The following ATXN7 variants were observed in gnomAD, a reference collection of about 807,000 sequenced individuals.
ATXN7 encodes ataxin-7.
Under a neutral mutation model 70.5 loss-of-function variants are expected in ATXN7, and 12 were observed. The observed-to-expected ratio is 0.17, with a 90% CI of 0.11 to 0.28. The LOEUF (loss-of-function observed/expected upper bound fraction) is 0.28. Ranked by LOEUF, ATXN7 falls within the 10% of genes least tolerant of loss-of-function variation. The pLI is 1.00. For synonymous variants in ATXN7, 498 were observed against 448.7 expected (o/e 1.11, Z -1.39); for missense variants, 1,256 against 1,131.7 (o/e 1.11, Z -1.58).
intron 4 of ATXN7, among the ~76,000 whole-genome samples, chr3:63,947,785 G>A (rs2074888141): frequency 6.6e-6 from 1 of 152,156 alleles, no homozygotes; most frequent in African/African-American, 2.4e-5. Flanking sequence ...GAGACCTGAT[G>A]TGTGAGAATA....
chr3:63,940,661 A>G (rs2074743857), intron 4 of ATXN7, among the ~76,000 whole-genome samples: 1 of 152,198 alleles, frequency 6.6e-6, no homozygotes, highest in African/African-American at 2.4e-5. Flanking sequence ...TACATGAATT[A>G]TCTCATTCCG....
intron 4 of ATXN7, among the ~76,000 whole-genome samples, chr3:63,951,287 C>A (rs954993660): frequency 6.6e-6 from 1 of 152,028 alleles, no homozygotes. Context: ...AGATTATCCT[C>A]ACTTGACATC....
intron 2 of ATXN7, among the ~76,000 whole-genome samples, chr3:63,906,940 A>G (rs1703858331): frequency 6.6e-6 from 1 of 152,216 alleles, no homozygotes; most frequent in South Asian, 2.1e-4. Context: ...TATTTATTTT[A>G]TCCGTCAGTG....
In ATXN7 at chr3:63,996,225, T is replaced by A. The variant is rs369936038; in HGVS notation, c.2403T>A (p.Thr801=). The A allele has an allele frequency of 6.2e-7, 1 of 1,614,164 alleles. No individual in the cohort carries two copies. Among genetic ancestry groups the A allele is most frequent in the Non-Finnish European group, 8.5e-7 (1 of 1,180,034 alleles). The change falls in exon 12 of 13, where the codon ACT becomes ACA. Residue 801 remains threonine, a synonymous_variant. Transcript: ENST00000674280. ...MSVMVNSSDS[T]LSLGPFIHQS... ...TGATGGTGAACAGCAGTGATTCTACTCTTTCTCTTGGGCCATTCATTCACC... is the reference window on the plus strand; with the variant it reads ...TGATGGTGAACAGCAGTGATTCTACACTTTCTCTTGGGCCATTCATTCACC...
intron 5 of ATXN7, among the ~76,000 whole-genome samples, chr3:63,966,601 C>T (rs1292421138): frequency 1.3e-5 from 2 of 152,032 alleles, no homozygotes; most frequent in Non-Finnish European, 2.9e-5. Flanking sequence ...TCAGAAAACC[C>T]CCTGGGTCTT....
chr3:63,998,824 T>C, intron 12 of ATXN7: 1 of 431,762 alleles, frequency 2.3e-6, no homozygotes, highest in Non-Finnish European at 3.1e-6. Flanking sequence ...TACTTGCTGT[T>C]CCTTGTGGAG....
intron 4 of ATXN7, among the ~76,000 whole-genome samples, chr3:63,940,422 A>T (rs974598569): frequency 1.3e-5 from 2 of 152,166 alleles, no homozygotes; most frequent in African/African-American, 4.8e-5. Context: ...ATGCCATTTC[A>T]TAATTAATTC....
At chr3:63,998,060 C>CT (rs1236481854) in intron 12 of ATXN7, 2 of 985,292 alleles carry the variant, frequency 2.0e-6, no homozygotes, top group Admixed American at 1.2e-4. Context: ...AACGCACCGT[C>CT]TTTGAGAGAG....
At chr3:63,864,431 G>C (rs1702340167) in intron 1 of ATXN7, 1 of 152,136 alleles carries the variant, frequency 6.6e-6, no homozygotes, top group Non-Finnish European at 1.5e-5. Context: ...ACGCGCGCTG[G>C]GGCGGGTCTC....
Position 63,912,689 on chromosome 3 carries a change from CA to C in ATXN7, c.92del (p.Gln31ArgfsTer59). ...AGCAGCGGCCGCGGCCGCCCGGCAG[CA>C]GCAGCAGCAGCAGCAGCAGCAGCAG... ...GGAAAAAARQQQQQQQQQQPP... is the reference protein window; with the variant it reads ...GGAAAAAARQXQQQQQQQQPP... On this transcript the variant is annotated frameshift_variant, in exon 3 of 13. Transcript: ENST00000674280. LOFTEE classifies it high-confidence loss of function. 9.1e-7 allele frequency: 1 copy of C among 1,102,396 alleles called. No individual in the cohort carries two copies. The highest frequency in any genetic ancestry group is 1.8e-5 in the African/African-American group (1 of 55,258). The allele number at this position is 1,102,396 out of a possible 1,614,324, so 68.3% of individuals were successfully genotyped here.
intron 5 of ATXN7, among the ~76,000 whole-genome samples, chr3:63,968,679 G>A (rs2075265068): frequency 6.6e-6 from 1 of 152,192 alleles, no homozygotes. Flanking sequence ...TGCCAGAAAA[G>A]ATGATTTTTT....
At chr3:63,917,727 T>A (rs1319665602) in intron 4 of ATXN7, among the ~76,000 whole-genome samples, 2 of 152,240 alleles carry the variant, frequency 1.3e-5, no homozygotes, top group Admixed American at 6.5e-5. Flanking sequence ...GATGAAGGCA[T>A]ATTCAGCTCC....
intron 5 of ATXN7, among the ~76,000 whole-genome samples, chr3:63,969,053 T>G (rs1027769850): frequency 6.6e-6 from 1 of 152,222 alleles, no homozygotes; most frequent in Non-Finnish European, 1.5e-5. Context: ...TCACTTCTGA[T>G]GTTTTATTAG....
At chr3:63,942,892 A>G (rs1047354087) in intron 4 of ATXN7, among the ~76,000 whole-genome samples, 1 of 152,330 alleles carries the variant, frequency 6.6e-6, no homozygotes, top group African/African-American at 2.4e-5. Flanking sequence ...CCCAAGGGTC[A>G]TGCTCCTAAT....
intron 5 of ATXN7, among the ~76,000 whole-genome samples, chr3:63,954,596 AGACCT>A (rs1362603511): frequency 6.6e-6 from 1 of 152,046 alleles, no homozygotes; most frequent in Non-Finnish European, 1.5e-5. Context: ...GGCAGAAAGA[AGACCT>A]ATTCTAGGAG....
intron 2 of ATXN7, among the ~76,000 whole-genome samples, chr3:63,899,916 C>G (rs1703571589): frequency 6.6e-6 from 1 of 151,994 alleles, no homozygotes; most frequent in African/African-American, 2.4e-5. Flanking sequence ...TGCGCCCGGC[C>G]TAAAAAAAAT....
intron 5 of ATXN7, among the ~76,000 whole-genome samples, chr3:63,963,313 A>G (rs1575957731): frequency 6.6e-6 from 1 of 152,320 alleles, no homozygotes; most frequent in East Asian, 1.9e-4. Flanking sequence ...TGATTGGCAT[A>G]TGAATATATG....
At chr3:63,944,955 C>T (rs746231162) in intron 4 of ATXN7, among the ~76,000 whole-genome samples, 7 of 152,180 alleles carry the variant, frequency 4.6e-5, no homozygotes, top group African/African-American at 1.7e-4. Flanking sequence ...CCACACCCAA[C>T]TAATTTTTGT....
At chr3:63,940,940 A>G (rs1347235822) in intron 4 of ATXN7, among the ~76,000 whole-genome samples, 1 of 152,192 alleles carries the variant, frequency 6.6e-6, no homozygotes, top group African/African-American at 2.4e-5. Flanking sequence ...ATTTGCTGAC[A>G]GTATTTTGAG....
Sources: gnomAD v4.1 joint callset for allele counts (sites outside exome capture counted in the v4.1 genomes callset) on GRCh38, gnomAD v4.1.1 for gene constraint, MANE v1.5 for transcripts, NCBI Gene and HGNC (gene_info 2026-07-23, HGNC 2026-07-21) for gene names.